The following SH3TC2 variants were observed in gnomAD, a reference collection of about 807,000 sequenced individuals.
The protein encoded by SH3TC2 is SH3 domain and tetratricopeptide repeat-containing protein 2.
A neutral mutation model predicts 124.5 loss-of-function variants in SH3TC2; 87 were observed. The observed-to-expected ratio is 0.70, with a 90% CI of 0.59 to 0.84. The LOEUF (loss-of-function observed/expected upper bound fraction) is 0.84. Ranked by LOEUF, SH3TC2 falls within the 40% of genes least tolerant of loss-of-function variation. The pLI, the probability that SH3TC2 is intolerant of heterozygous loss-of-function variation, is 0.00. For missense variants in SH3TC2, 1,536 were observed against 1,566.4 expected, an observed-to-expected ratio of 0.98 and a Z score of 0.33; for synonymous variants, 634 against 628.5, an observed-to-expected ratio of 1.01 and a Z score of -0.13.
At chr5:149,022,734 T>C (rs540294110) in intron 12 of SH3TC2, among the ~76,000 whole-genome samples, 4 of 152,362 alleles carry the variant, frequency 2.6e-5, no homozygotes, top group Admixed American at 2.6e-4. Context: ...TTGATACATG[T>C]GACAACATGG....
intron 8 of SH3TC2, among the ~76,000 whole-genome samples, chr5:149,031,939 AC>A (rs1048480200): frequency 1.4e-4 from 22 of 151,820 alleles, no homozygotes; most frequent in Non-Finnish European, 5.9e-5. Context: ...GGATGAAAAC[AC>A]CCCTTCTCTT....
chr5:149,006,475 A>G lies in SH3TC2; in HGVS notation c.3675+406T>C, dbSNP rs376843824. Among the ~76,000 whole-genome samples, 12 of 152,356 alleles carry G rather than the reference A, an allele frequency of 7.9e-5. No individual in the cohort carries two copies. The South Asian group carries it at 1.7e-3, about 21-fold the overall frequency. ...TTGACTAGTTGGTCTGTAACATTTT[A>G]TGGACAAACTCTTAAGTATTCATTT... On this transcript the variant is annotated intron_variant, in intron 16 of 16. Coordinates refer to ENST00000515425, the MANE Select transcript of SH3TC2 (RefSeq NM_024577.4).
At chr5:149,056,027 C>A (rs1461160216) in intron 1 of SH3TC2, among the ~76,000 whole-genome samples, 2 of 152,148 alleles carry the variant, frequency 1.3e-5, no homozygotes, top group Admixed American at 6.5e-5. Flanking sequence ...CCACACTGTA[C>A]ACATGATTTC....
In SH3TC2 at chr5:149,026,999, G is replaced by A. The variant is rs780207816; in HGVS notation, c.2733C>T (p.Ala911=). ...CTAATTCCATGTCTGTCTCCTTACT[G>A]GCCTGAAGTTCACAATAGAGTCGTA... ...QAVRLYCELQ[A]SKETDMELVQ... Residue 911 remains alanine, a synonymous_variant, in exon 11 of 17, where the codon GCC becomes GCT. Transcript: ENST00000515425. 1 of 1,614,128 alleles carries A rather than the reference G, an allele frequency of 6.2e-7. No homozygotes were observed. Among genetic ancestry groups the A allele is most frequent in the South Asian group, 1.1e-5 (1 of 91,074 alleles).
At chr5:149,013,552 AGTG>A (rs1753820224) in intron 12 of SH3TC2, among the ~76,000 whole-genome samples, 1 of 152,252 alleles carries the variant, frequency 6.6e-6, no homozygotes, top group Admixed American at 6.5e-5. Flanking sequence ...GAGTGACAAC[AGTG>A]GTAACTTTAA....
rs1333895521 is a variant in SH3TC2 at position 148,996,267 on chromosome 5, G to A, written c.*8444C>T. ...AGAGTGAGACCCTGCCTAAATAAGAGAGAAAGAGAGAGAGAGAGAGAAACA... is the reference window on the plus strand; with the variant it reads ...AGAGTGAGACCCTGCCTAAATAAGAAAGAAAGAGAGAGAGAGAGAGAAACA... On this transcript the variant is annotated 3_prime_UTR_variant, in exon 17 of 17. Transcript: ENST00000515425. Among the ~76,000 whole-genome samples, 8 of 151,740 alleles carry A rather than the reference G, an allele frequency of 5.3e-5. No individual in the cohort carries two copies. The South Asian group carries it at 1.0e-3, about 20-fold the overall frequency.
Position 149,052,219 on chromosome 5 carries a change from T to C in SH3TC2, c.74A>G (p.Asp25Gly). The C allele has an allele frequency of 6.2e-7, 1 of 1,613,050 alleles. No individual in the cohort carries two copies. The highest frequency in any genetic ancestry group is 8.5e-7 in the Non-Finnish European group (1 of 1,179,100). The change falls in exon 2 of 17, where the codon GAT becomes GGT. Residue 25 changes from aspartate to glycine, a missense_variant. Transcript: ENST00000515425. The stretch of plus-strand genomic sequence containing the variant: ...TATACACTCACTCGATACAGTTGGA[T>C]CCTTGGAAGGAGTTTCTTTACCTGG... ...RGPGKETPSK[D>G]PTVSSECIAS...
intron 8 of SH3TC2, among the ~76,000 whole-genome samples, chr5:149,033,484 T>C (rs745951417): frequency 2.0e-5 from 3 of 152,182 alleles, no homozygotes; most frequent in Non-Finnish European, 2.9e-5. Context: ...CAAACCCAGA[T>C]TGGCAGGTGA....
Position 148,994,600 on chromosome 5 carries a change from A to ATGGT in SH3TC2, c.*10107_*10110dup, listed in dbSNP as rs57301725. Among the ~76,000 whole-genome samples the ATGGT allele has an allele frequency of 0.014, 2,006 of 140,642 alleles. 22 individuals carry two copies. Among genetic ancestry groups the ATGGT allele is most frequent in the African/African-American group, 0.031 (1,159 of 37,598 alleles). 92.3% of individuals were successfully genotyped at this position (140,642 alleles called of 152,430 possible). On this transcript the variant is annotated 3_prime_UTR_variant, in exon 17 of 17. Coordinates refer to ENST00000515425, the MANE Select transcript of SH3TC2 (RefSeq NM_024577.4). ...GGTATGTGGGTGGTTGGGTGGTTAG[A>ATGGT]TGGTTGGTTGGTTGGTTGGTTGGTT...
At position 148,994,282 on chromosome 5, in the gene SH3TC2, C is replaced by T. The variant is rs1292322703; in HGVS notation, c.*10429G>A. Among the ~76,000 whole-genome samples, 1 of 152,190 alleles carries T rather than the reference C, an allele frequency of 6.6e-6. No individual in the cohort carries two copies. The highest frequency in any genetic ancestry group is 6.5e-5 in the Admixed American group (1 of 15,280). On this transcript the variant is annotated 3_prime_UTR_variant, in exon 17 of 17. Coordinates refer to ENST00000515425, the MANE Select transcript of SH3TC2 (RefSeq NM_024577.4). ...CTTAACCTCTTTGAACTCATTTCTT[C>T]ACATGTGTTATGTGAATAACTATAC...
chr5:149,049,813 A>G (rs1754526994), intron 2 of SH3TC2, among the ~76,000 whole-genome samples: 1 of 151,950 alleles, frequency 6.6e-6, no homozygotes, highest in South Asian at 2.1e-4. Context: ...CCTAAATAAC[A>G]TCGTGGATAT....
rs1296228643 is a variant in SH3TC2, at chr5:149,000,485, T to C, written c.*4226A>G. ...TTATTTTCATTGTATTTGCCATTATTTACATAATTCTGTTTATGGAAAACA... is the reference window on the plus strand; with the variant it reads ...TTATTTTCATTGTATTTGCCATTATCTACATAATTCTGTTTATGGAAAACA... On this transcript the variant is annotated 3_prime_UTR_variant, in exon 17 of 17. Coordinates refer to ENST00000515425, the MANE Select transcript of SH3TC2 (RefSeq NM_024577.4). 6.6e-6 allele frequency among the ~76,000 whole-genome samples: 1 copy of C among 152,262 alleles called. No homozygotes were observed. The highest frequency in any genetic ancestry group is 2.4e-5 in the African/African-American group (1 of 41,464).
At chr5:149,034,455 A>C (rs2127399172) in intron 8 of SH3TC2, 1 of 404,514 alleles carries the variant, frequency 2.5e-6, no homozygotes, top group South Asian at 1.9e-5. Context: ...CAAAGGAAGA[A>C]GGACTGAAAA....
intron 1 of SH3TC2, among the ~76,000 whole-genome samples, chr5:149,052,600 T>C (rs563755368): frequency 2.0e-5 from 3 of 152,296 alleles, no homozygotes; most frequent in East Asian, 1.9e-4. Flanking sequence ...TAGGGGCAGA[T>C]AATGGAAGGG....
At chr5:149,034,492 A>C (rs534901552) in intron 8 of SH3TC2, 32 of 422,702 alleles carry the variant, frequency 7.6e-5, no homozygotes, top group South Asian at 5.4e-4. Context: ...AAAGACATGA[A>C]TCTTCATATT....
chr5:149,041,653 A>G, intron 5 of SH3TC2, 36 bp from the exon 6 acceptor site: 1 of 1,605,262 alleles, frequency 6.2e-7, no homozygotes, highest in African/African-American at 1.3e-5. Context: ...CTTTCTAAGG[A>G]GTAGCAGGAA....
intron 14 of SH3TC2, among the ~76,000 whole-genome samples, chr5:149,009,331 T>C (rs1265478195): frequency 6.6e-6 from 1 of 152,210 alleles, no homozygotes; most frequent in East Asian, 1.9e-4. Flanking sequence ...CTAGCATCCA[T>C]GGTGCTATCT....
In SH3TC2 at chr5:149,058,545, A is replaced by G. The variant is rs1347764739; in HGVS notation, c.52+4426T>C. On this transcript the variant is annotated intron_variant, in intron 1 of 16. Coordinates refer to ENST00000515425, the MANE Select transcript of SH3TC2 (RefSeq NM_024577.4). ...CAATTGTTATTGGGTTATTTATCTT[A>G]TCATTATTGAGTTGAAAGAGCTTTT... is the stretch of plus-strand genomic sequence containing the variant. Among the ~76,000 whole-genome samples, 3 of 151,288 alleles carry G rather than the reference A, an allele frequency of 2.0e-5. No individual in the cohort carries two copies. The East Asian group carries it at 5.8e-4, about 29-fold the overall frequency.
chr5:148,985,138 C>T lies in SH3TC2; in HGVS notation c.*19573G>A, dbSNP rs4560536. Among the ~76,000 whole-genome samples, 72,260 of 140,502 alleles carry T rather than the reference C, an allele frequency of 0.51. 18,593 individuals are homozygous for T. The highest frequency in any genetic ancestry group is 0.65 in the East Asian group (3,211 of 4,910). 92.2% of individuals were successfully genotyped at this position (140,502 alleles called of 152,430 possible). A position where few individuals can be genotyped will look rare whatever the true frequency, so the allele number is the denominator to read the frequency against. On this transcript the variant is annotated 3_prime_UTR_variant, in exon 17 of 17. Transcript: ENST00000515425. ...ACAAACACTGAATAAGAATGAGCTA[C>T]TTTTCTGGAAAAAAAAAAAACTATT...
Sources: gnomAD v4.1 joint callset for allele counts (sites outside exome capture counted in the v4.1 genomes callset) on GRCh38, gnomAD v4.1.1 for gene constraint, MANE v1.5 for transcripts, NCBI Gene and HGNC (gene_info 2026-07-23, HGNC 2026-07-21) for gene names.